C12orf42: variants seen among roughly 807,000 people sequenced by gnomAD.
C12orf42 encodes the protein uncharacterized protein C12orf42.
In C12orf42, 25 loss-of-function variants were observed where a neutral mutation model predicts 21.6. That is an observed-to-expected ratio of 1.16 (90% CI 0.84 to 1.62). C12orf42 has a LOEUF of 1.62. Ranked by LOEUF, C12orf42 falls within the 40% of genes most tolerant of loss-of-function variation. C12orf42 has a pLI of 0.00. For synonymous variants in C12orf42, 174 were observed against 175.0 expected (o/e 0.99, Z 0.05); for missense variants, 483 against 459.3 (o/e 1.05, Z -0.47).
chr12:103,359,078 T>C (rs1167545165), intron 4 of C12orf42, among the ~76,000 whole-genome samples: 6 of 152,130 alleles, frequency 3.9e-5, no homozygotes, highest in African/African-American at 1.4e-4. Flanking sequence ...TAAATACACA[T>C]ATCTTGTCTC....
chr12:103,399,666 T>C (rs2047830138), intron 3 of C12orf42, among the ~76,000 whole-genome samples: 1 of 152,158 alleles, frequency 6.6e-6, no homozygotes, highest in South Asian at 2.1e-4. Context: ...ATCTGAATTA[T>C]TTATCTGATA....
the C12orf42 span, among the ~76,000 whole-genome samples, chr12:103,525,438 G>GT: frequency 3.3e-5 from 5 of 152,152 alleles, no homozygotes; most frequent in Non-Finnish European, 7.4e-5. Flanking sequence ...GCTACAGGTT[G>GT]TTTCATAGAG....
At chr12:103,296,896 G>A (rs562012672) in intron 4 of C12orf42, among the ~76,000 whole-genome samples, 1 of 152,286 alleles carries the variant, frequency 6.6e-6, no homozygotes, top group Admixed American at 6.5e-5. Flanking sequence ...GGCTTTTGTT[G>A]CCATTGCTTT....
the C12orf42 span, among the ~76,000 whole-genome samples, chr12:103,140,176 C>T: frequency 6.6e-6 from 1 of 152,190 alleles, no homozygotes; most frequent in Non-Finnish European, 1.5e-5. Flanking sequence ...TCCTTGGTCT[C>T]TTCCTCCATG....
intron 2 of C12orf42, among the ~76,000 whole-genome samples, chr12:103,435,464 G>A (rs1222268400): frequency 1.3e-5 from 2 of 152,144 alleles, no homozygotes; most frequent in African/African-American, 4.8e-5. Flanking sequence ...AGCTATGGGA[G>A]GACATCCAAA....
At position 103,406,093 on chromosome 12, in the gene C12orf42, T is replaced by C. The variant is rs887815751; in HGVS notation, c.79-4418A>G. ...CCCAATGCCTTTCCCTGAGACTTCA[T>C]AGGCAAAGGCATTTAAATATCAATA... On this transcript the variant is annotated intron_variant, in intron 2 of 5. Transcript: ENST00000548883. Among the ~76,000 whole-genome samples the C allele has an allele frequency of 5.3e-5, 8 of 152,268 alleles. 1 individual carries two copies. The highest frequency in any genetic ancestry group is 2.6e-4 in the Admixed American group (4 of 15,290).
chr12:103,406,906 G>T (rs1192738224), intron 2 of C12orf42, among the ~76,000 whole-genome samples: 1 of 152,196 alleles, frequency 6.6e-6, no homozygotes, highest in Non-Finnish European at 1.5e-5. Flanking sequence ...TCAGCACGGG[G>T]AAAGTGTAGA....
chr12:103,087,322 T>C, the C12orf42 span, among the ~76,000 whole-genome samples: 3 of 152,182 alleles, frequency 2.0e-5, no homozygotes, highest in Non-Finnish European at 4.4e-5. Flanking sequence ...GGTGCAGAGA[T>C]GCTATAATTT....
chr12:103,530,289 C>A, the C12orf42 span, among the ~76,000 whole-genome samples: 2 of 152,344 alleles, frequency 1.3e-5, no homozygotes, highest in East Asian at 3.9e-4. Context: ...GCCCGGCTGA[C>A]TTATGAAGAG....
intron 5 of C12orf42, among the ~76,000 whole-genome samples, chr12:103,275,121 G>A (rs1179072437): frequency 6.6e-6 from 1 of 151,654 alleles, no homozygotes; most frequent in Non-Finnish European, 1.5e-5. Flanking sequence ...TATTTTTATT[G>A]ATATCTCCTA....
At chr12:103,472,321 T>A (rs1179704493) in intron 2 of C12orf42, among the ~76,000 whole-genome samples, 2 of 152,268 alleles carry the variant, frequency 1.3e-5, no homozygotes, top group East Asian at 3.9e-4. Context: ...CCCAAAGTGC[T>A]GGAATTACAG....
At chr12:103,359,861 T>C (rs967395595) in intron 4 of C12orf42, among the ~76,000 whole-genome samples, 5 of 151,880 alleles carry the variant, frequency 3.3e-5, no homozygotes, top group Non-Finnish European at 7.4e-5. Context: ...GATCGATTTT[T>C]CTTTGTTGAA....
the C12orf42 span, among the ~76,000 whole-genome samples, chr12:103,540,853 T>A: frequency 6.6e-6 from 1 of 152,224 alleles, no homozygotes; most frequent in African/African-American, 2.4e-5. Flanking sequence ...TTGTGTTTAG[T>A]TTTTCCTTCT....
At chr12:103,317,263 T>C (rs2039605436) in intron 4 of C12orf42, among the ~76,000 whole-genome samples, 3 of 152,184 alleles carry the variant, frequency 2.0e-5, no homozygotes, top group Non-Finnish European at 1.5e-5. Flanking sequence ...GAGAGAAGGA[T>C]ATTCTTTCTC....
the C12orf42 span, among the ~76,000 whole-genome samples, chr12:103,512,117 G>A: frequency 4.6e-5 from 7 of 152,052 alleles, no homozygotes; most frequent in African/African-American, 1.7e-4. Flanking sequence ...GAGAAGTCCC[G>A]GTAAATTAAA....
At chr12:103,523,617 C>A in the C12orf42 span, among the ~76,000 whole-genome samples, 1 of 150,238 alleles carries the variant, frequency 6.7e-6, no homozygotes, top group Non-Finnish European at 1.5e-5. Flanking sequence ...CATATATATA[C>A]TCTATATATG....
the C12orf42 span, among the ~76,000 whole-genome samples, chr12:103,543,898 TTTTTG>T: frequency 7.5e-5 from 10 of 133,364 alleles, no homozygotes; most frequent in African/African-American, 1.7e-4. Context: ...TTTGTTTTGT[TTTTTG>T]TTTTTTTTGA....
the C12orf42 span, among the ~76,000 whole-genome samples, chr12:103,121,581 G>C: frequency 2.0e-5 from 3 of 152,198 alleles, no homozygotes; most frequent in African/African-American, 4.8e-5. Flanking sequence ...ACCTGACTTA[G>C]TAGGCCAACA....
chr12:103,488,084 T>C (rs1954955127), intron 1 of C12orf42, among the ~76,000 whole-genome samples: 1 of 152,244 alleles, frequency 6.6e-6, no homozygotes, highest in South Asian at 2.1e-4. Flanking sequence ...GTTTTTGCAG[T>C]GGCTGGTACT....
Sources: gnomAD v4.1 joint callset for allele counts (sites outside exome capture counted in the v4.1 genomes callset) on GRCh38, gnomAD v4.1.1 for gene constraint, MANE v1.5 for transcripts, NCBI Gene and HGNC (gene_info 2026-07-23, HGNC 2026-07-21) for gene names.